The following NTM variants were observed in gnomAD, a reference collection of about 807,000 sequenced individuals.
The protein encoded by NTM is neurotrimin.
A neutral mutation model predicts 42.1 loss-of-function variants in NTM; 13 were observed. The observed-to-expected ratio is 0.31, with a 90% CI of 0.20 to 0.49. The LOEUF (loss-of-function observed/expected upper bound fraction) is 0.49. Among genes scored for constraint, NTM ranks in the 20% least tolerant of loss-of-function variants. The pLI is 0.99. For missense variants in NTM, 373 were observed against 452.8 expected (o/e 0.82, Z 1.60); for synonymous variants, 187 against 179.2 (o/e 1.04, Z -0.35).
chr11:131,757,755 CA>C (rs2083527258), intron 1 of NTM, among the ~76,000 whole-genome samples: 1 of 152,034 alleles, frequency 6.6e-6, no homozygotes, highest in Non-Finnish European at 1.5e-5. Flanking sequence ...CATATAAAAG[CA>C]GGATTCAAAG....
chr11:131,976,113 C>CTCCTTCCT (rs1329274388), intron 2 of NTM, among the ~76,000 whole-genome samples: 941 of 67,268 alleles, frequency 0.014, 10 homozygotes, highest in African/African-American at 0.044. Flanking sequence ...CCCTCCCTCC[C>CTCCTTCCT]TCATTCCTTC....
chr11:132,103,420 C>A (rs2061871915), intron 2 of NTM, among the ~76,000 whole-genome samples: 1 of 152,232 alleles, frequency 6.6e-6, no homozygotes, highest in Admixed American at 6.5e-5. Context: ...CAGTCTCCAG[C>A]TTAGGAACGT....
intron 1 of NTM, among the ~76,000 whole-genome samples, chr11:131,848,585 A>G (rs1481896977): frequency 6.6e-6 from 1 of 152,232 alleles, no homozygotes; most frequent in Non-Finnish European, 1.5e-5. Flanking sequence ...GAAGAGGTCC[A>G]CTTCCCTTTG....
rs917470703 is a variant in NTM at position 131,687,400 on chromosome 11, A to C, written c.83-224164A>C. On this transcript the variant is annotated intron_variant, in intron 1 of 8. Coordinates refer to ENST00000683400, the MANE Select transcript of NTM (RefSeq NM_001352005.2). ...GGGACATCAGTGCTGGGTGACTCTAATGAGGGCTGTAAGGTTTGCGACCCG... is the reference window on the plus strand; with the variant it reads ...GGGACATCAGTGCTGGGTGACTCTACTGAGGGCTGTAAGGTTTGCGACCCG... 2.0e-5 allele frequency among the ~76,000 whole-genome samples: 3 copies of C among 152,106 alleles called. No homozygotes were observed. In the East Asian group the frequency reaches 5.8e-4, roughly 30 times the overall value.
chr11:131,652,386 C>A (rs925609749), intron 1 of NTM, among the ~76,000 whole-genome samples: 9 of 152,168 alleles, frequency 5.9e-5, no homozygotes, highest in Non-Finnish European at 1.3e-4. Flanking sequence ...CCAGTGGCCA[C>A]AAACCAGAAC....
At chr11:132,250,774 G>T (rs2091856344) in intron 4 of NTM, among the ~76,000 whole-genome samples, 1 of 151,622 alleles carries the variant, frequency 6.6e-6, no homozygotes, top group South Asian at 2.1e-4. Flanking sequence ...AATATTATTA[G>T]TCAAGTTTGT....
intron 1 of NTM, among the ~76,000 whole-genome samples, chr11:131,630,585 C>A (rs758542001): frequency 6.6e-6 from 1 of 152,156 alleles, no homozygotes; most frequent in Non-Finnish European, 1.5e-5. Context: ...GTCTGTACAG[C>A]CCAGTAATGG....
intron 2 of NTM, among the ~76,000 whole-genome samples, chr11:132,066,399 A>T (rs947428476): frequency 6.6e-6 from 1 of 152,184 alleles, no homozygotes; most frequent in Non-Finnish European, 1.5e-5. Flanking sequence ...TGATTCATAA[A>T]TTTTTATGAT....
At chr11:131,890,640 T>A (rs1427857694) in intron 1 of NTM, among the ~76,000 whole-genome samples, 1 of 152,224 alleles carries the variant, frequency 6.6e-6, no homozygotes, top group East Asian at 1.9e-4. Context: ...CTGAACAACT[T>A]TCATCCCTGG....
intron 1 of NTM, among the ~76,000 whole-genome samples, chr11:131,867,560 CTG>C (rs932446936): frequency 2.6e-5 from 4 of 151,162 alleles, no homozygotes; most frequent in African/African-American, 7.3e-5. Flanking sequence ...GTTTGGGTGT[CTG>C]TGTGTGTCTG....
chr11:132,058,166 G>T (rs1339448558), intron 2 of NTM, among the ~76,000 whole-genome samples: 1 of 152,096 alleles, frequency 6.6e-6, no homozygotes, highest in Admixed American at 6.6e-5. Context: ...GAAATGTTTG[G>T]TGATTCTGGA....
chr11:132,243,775 G>A (rs2090604295), intron 4 of NTM, among the ~76,000 whole-genome samples: 1 of 152,164 alleles, frequency 6.6e-6, no homozygotes, highest in Admixed American at 6.5e-5. Flanking sequence ...CAGGAAGCCT[G>A]GAGGGTCATG....
At chr11:131,498,695 G>A (rs1955608114) in intron 1 of NTM, among the ~76,000 whole-genome samples, 1 of 152,160 alleles carries the variant, frequency 6.6e-6, no homozygotes, top group African/African-American at 2.4e-5. Context: ...TTCTGGAATG[G>A]TGGCCTCTGG....
intron 1 of NTM, among the ~76,000 whole-genome samples, chr11:131,570,735 ATC>A (rs2057369503): frequency 6.6e-6 from 1 of 152,244 alleles, no homozygotes; most frequent in African/African-American, 2.4e-5. Flanking sequence ...AGGCACGAGA[ATC>A]ACTTGAACCC....
At chr11:131,657,108 G>A (rs1287419512) in intron 1 of NTM, among the ~76,000 whole-genome samples, 1 of 144,008 alleles carries the variant, frequency 6.9e-6, no homozygotes, top group Admixed American at 7.2e-5. Flanking sequence ...CAGTTGAGCT[G>A]TTTCCACTTG....
At chr11:131,525,301 G>A (rs2050317083) in intron 1 of NTM, among the ~76,000 whole-genome samples, 1 of 152,186 alleles carries the variant, frequency 6.6e-6, no homozygotes, top group Admixed American at 6.5e-5. Context: ...CAGGGCATTG[G>A]CAATGCTTAT....
At chr11:131,978,397 A>T (rs2064732139) in intron 2 of NTM, among the ~76,000 whole-genome samples, 1 of 152,218 alleles carries the variant, frequency 6.6e-6, no homozygotes, top group Non-Finnish European at 1.5e-5. Flanking sequence ...ATTTCAAATT[A>T]TTCGGGTCAG....
chr11:131,743,825 T>C (rs1591551319), intron 1 of NTM, among the ~76,000 whole-genome samples: 1 of 152,202 alleles, frequency 6.6e-6, no homozygotes, highest in Non-Finnish European at 1.5e-5. Context: ...ATCCAGTACT[T>C]GGGAGAAGAG....
intron 1 of NTM, among the ~76,000 whole-genome samples, chr11:131,789,596 A>AAGGAGAAGG (rs1565552514): frequency 1.5e-5 from 1 of 65,128 alleles, no homozygotes; most frequent in Non-Finnish European, 3.0e-5. Flanking sequence ...GAAGAAGAAG[A>AAGGAGAAGG]AGAAGAAGAA....
Sources: gnomAD v4.1 joint callset for allele counts (sites outside exome capture counted in the v4.1 genomes callset) on GRCh38, gnomAD v4.1.1 for gene constraint, MANE v1.5 for transcripts, NCBI Gene and HGNC (gene_info 2026-07-23, HGNC 2026-07-21) for gene names.